CDH8: variants seen among roughly 807,000 people sequenced by gnomAD.
CDH8 encodes the protein cadherin 8.
A neutral mutation model predicts 68.1 loss-of-function variants in CDH8; 17 were observed. The ratio of observed to expected loss-of-function variants is 0.25; its 90% confidence interval spans 0.17 to 0.37. CDH8 has a LOEUF of 0.37. CDH8 is among the 10% of genes least tolerant of loss of function. The pLI, the probability that CDH8 is intolerant of heterozygous loss-of-function variation, is 1.00. For missense variants in CDH8, 763 were observed against 999.3 expected, an observed-to-expected ratio of 0.76 and a Z score of 3.19; for synonymous variants, 372 against 365.1, an observed-to-expected ratio of 1.02 and a Z score of -0.21.
chr16:61,739,556 G>T (rs1001137694), intron 8 of CDH8, among the ~76,000 whole-genome samples: 1 of 151,160 alleles, frequency 6.6e-6, no homozygotes, highest in African/African-American at 2.4e-5. Context: ...CATAGCATTA[G>T]GTTGGTGCAA....
At chr16:61,932,134 G>A (rs1964551632) in intron 2 of CDH8, among the ~76,000 whole-genome samples, 2 of 151,308 alleles carry the variant, frequency 1.3e-5, no homozygotes, top group South Asian at 2.1e-4. Context: ...GTGAACCCGG[G>A]AGGCGGAGCT....
intron 8 of CDH8, among the ~76,000 whole-genome samples, chr16:61,761,329 T>A (rs1173802722): frequency 1.3e-5 from 2 of 152,192 alleles, no homozygotes; most frequent in African/African-American, 4.8e-5. Context: ...GTCTTTCTGT[T>A]TGATTTAGGA....
chr16:61,753,309 G>A (rs1006719022), intron 8 of CDH8, among the ~76,000 whole-genome samples: 2 of 150,678 alleles, frequency 1.3e-5, no homozygotes, highest in East Asian at 2.0e-4. Context: ...GTGCAATCTC[G>A]GCTCACTGCA....
chr16:61,868,982 C>G (rs191535664), intron 3 of CDH8, among the ~76,000 whole-genome samples: 1 of 152,224 alleles, frequency 6.6e-6, no homozygotes, highest in East Asian at 1.9e-4. Context: ...AAGAAAAGAA[C>G]TGATTATGTT....
intron 7 of CDH8, among the ~76,000 whole-genome samples, chr16:61,808,949 G>T (rs979524428): frequency 3.3e-5 from 5 of 152,282 alleles, no homozygotes; most frequent in African/African-American, 1.2e-4. Flanking sequence ...ACTTTGGGAG[G>T]CCAAGGCAGT....
At chr16:61,904,834 C>G (rs535064193) in intron 2 of CDH8, among the ~76,000 whole-genome samples, 1 of 152,158 alleles carries the variant, frequency 6.6e-6, no homozygotes, top group East Asian at 1.9e-4. Flanking sequence ...CTGCTCTTCA[C>G]GTAAGGGTGT....
At chr16:61,837,815 A>C (rs974599586) in intron 4 of CDH8, among the ~76,000 whole-genome samples, 2 of 151,976 alleles carry the variant, frequency 1.3e-5, no homozygotes, top group African/African-American at 4.8e-5. Context: ...GGAAACTTGC[A>C]ATCTAGGTGT....
At position 61,662,989 on chromosome 16, in the gene CDH8, T is replaced by A. The variant is rs1963598432; in HGVS notation, c.1655-7268A>T. ...AAAACTCAATTTTCAGGAGCTTGCT[T>A]TATTCTTCATACCCAGTTGTTTATG... is the stretch of plus-strand genomic sequence containing the variant. On this transcript the variant is annotated intron_variant, in intron 10 of 11. Coordinates refer to ENST00000577390, the MANE Select transcript of CDH8 (RefSeq NM_001796.5). Among the ~76,000 whole-genome samples, 3 of 152,182 alleles carry A rather than the reference T, an allele frequency of 2.0e-5. No individual in the cohort carries two copies. The South Asian group carries it at 6.2e-4, about 32-fold the overall frequency.
chr16:61,763,433 G>C (rs191117440), intron 8 of CDH8, among the ~76,000 whole-genome samples: 21 of 152,058 alleles, frequency 1.4e-4, no homozygotes, highest in Non-Finnish European at 2.4e-4. Flanking sequence ...TTCCTCCTTC[G>C]CAAAGCATCC....
intron 8 of CDH8, among the ~76,000 whole-genome samples, chr16:61,728,150 G>A (rs1959428658): frequency 6.6e-6 from 1 of 150,834 alleles, no homozygotes; most frequent in Admixed American, 6.6e-5. Context: ...AAGCCAAGAG[G>A]GGAAAAAATG....
Position 61,648,409 on chromosome 16 carries a change from C to T in CDH8, c.*5199G>A, listed in dbSNP as rs755981574. On this transcript the variant is annotated 3_prime_UTR_variant, in exon 12 of 12. Coordinates refer to ENST00000577390, the MANE Select transcript of CDH8 (RefSeq NM_001796.5). ...GTTCCCATCTTTTTGGAAAATTTCACCGTGACGTCTTCTTGAGTCTTCCCA... is the reference window on the plus strand; with the variant it reads ...GTTCCCATCTTTTTGGAAAATTTCATCGTGACGTCTTCTTGAGTCTTCCCA... 1 of 152,396 alleles carries T rather than the reference C, an allele frequency of 6.6e-6. No homozygotes were observed. The highest frequency in any genetic ancestry group is 1.5e-5 in the Non-Finnish European group (1 of 68,394). 9.4% of individuals were successfully genotyped at this position (152,396 alleles called of 1,614,324 possible). A position where few individuals can be genotyped will look rare whatever the true frequency, so the allele number is the denominator to read the frequency against.
intron 4 of CDH8, among the ~76,000 whole-genome samples, chr16:61,851,957 T>G (rs1244984093): frequency 2.0e-5 from 3 of 152,002 alleles, no homozygotes; most frequent in Non-Finnish European, 4.4e-5. Flanking sequence ...CAGATTCACC[T>G]TGAATCCTGC....
intron 1 of CDH8, among the ~76,000 whole-genome samples, chr16:62,026,075 G>A (rs1349136042): frequency 1.3e-5 from 2 of 152,052 alleles, no homozygotes; most frequent in Admixed American, 6.5e-5. Context: ...TTAATAAGTG[G>A]CTCTTTGAAA....
At chr16:61,781,520 C>A (rs1410577015) in intron 8 of CDH8, among the ~76,000 whole-genome samples, 1 of 152,078 alleles carries the variant, frequency 6.6e-6, no homozygotes, top group Non-Finnish European at 1.5e-5. Flanking sequence ...GCTAGGGAGT[C>A]TAAAGCAGGA....
At chr16:61,981,681 T>TGTGTGTGCGCGCGCGC (rs747443852) in intron 2 of CDH8, among the ~76,000 whole-genome samples, 1 of 141,758 alleles carries the variant, frequency 7.1e-6, no homozygotes, top group African/African-American at 2.8e-5. Context: ...TGTGTGTGTG[T>TGTGTGTGCGCGCGCGC]GCGCGCGCGC....
chr16:61,857,876 G>A (rs951693450), intron 3 of CDH8, among the ~76,000 whole-genome samples: 9 of 151,584 alleles, frequency 5.9e-5, no homozygotes, highest in South Asian at 2.1e-4. Context: ...AAAATATAGG[G>A]GAAATTTAAT....
chr16:61,798,184 A>T (rs1961541386), intron 7 of CDH8, among the ~76,000 whole-genome samples: 1 of 152,238 alleles, frequency 6.6e-6, no homozygotes, highest in South Asian at 2.1e-4. Flanking sequence ...TGATGTAACA[A>T]AAAATGCAAA....
chr16:61,920,049 T>C (rs1259175633), intron 2 of CDH8, among the ~76,000 whole-genome samples: 9 of 150,194 alleles, frequency 6.0e-5, no homozygotes, highest in African/African-American at 2.2e-4. Context: ...TGGCTAGCCA[T>C]ATGTAGAAAG....
chr16:61,731,296 A>C (rs79212513), intron 8 of CDH8, among the ~76,000 whole-genome samples: 4,856 of 151,790 alleles, frequency 0.032, 357 homozygotes, highest in East Asian at 0.24. Flanking sequence ...AGTCAGCTGA[A>C]ATGAGCCTTC....
Sources: allele counts gnomAD v4.1 joint callset (sites outside exome capture counted in the v4.1 genomes callset), GRCh38; gene constraint gnomAD v4.1.1; transcripts MANE v1.5; gene names NCBI Gene and HGNC (gene_info 2026-07-23, HGNC 2026-07-21).